Variants in RIMKLB observed in about 807,000 individuals in gnomAD.
RIMKLB encodes the protein beta-citrylglutamate synthase B.
In RIMKLB, 7 loss-of-function variants were observed where a neutral mutation model predicts 32.0. The observed-to-expected ratio is 0.22, with a 90% confidence interval of 0.12 to 0.41. RIMKLB has a LOEUF of 0.41. Ranked by LOEUF, RIMKLB falls within the 10% of genes least tolerant of loss-of-function variation. The probability of loss-of-function intolerance (pLI) is 1.00; values close to 1 mark genes in which losing one functional copy is unlikely to be tolerated. For missense variants in RIMKLB, 289 were observed against 498.7 expected (o/e 0.58, Z 4.00); for synonymous variants, 172 against 185.1 (o/e 0.93, Z 0.57).
At chr12:8,711,636 A>G (rs1008698993) in intron 1 of RIMKLB, among the ~76,000 whole-genome samples, 1 of 152,228 alleles carries the variant, frequency 6.6e-6, no homozygotes, top group South Asian at 2.1e-4. Flanking sequence ...ATCATCTAGC[A>G]TTAGGTATAT....
rs1259375977 is a variant in RIMKLB, at chr12:8,698,713, C to G, written c.-57+416C>G. Among the ~76,000 whole-genome samples the G allele has an allele frequency of 1.5e-4, 15 of 103,336 alleles. No homozygotes were observed. In the South Asian group the frequency reaches 2.9e-3, roughly 20 times the overall value. The allele number at this position is 103,336 out of a possible 152,430, so 67.8% of individuals were successfully genotyped here. ...ATTGCGGCGACACTCCCCCTCCCCCCCCTTCCCACAAATTCTATGGAGCGA... is the reference window on the plus strand; with the variant it reads ...ATTGCGGCGACACTCCCCCTCCCCCGCCTTCCCACAAATTCTATGGAGCGA... On this transcript the variant is annotated intron_variant, in intron 1 of 5. Transcript: ENST00000535829.
rs1429472121 is a variant in RIMKLB, at chr12:8,751,833, AAGTT to A, written c.407-121_407-118del. On this transcript the variant is annotated intron_variant, in intron 3 of 5. Coordinates refer to ENST00000535829, the MANE Select transcript of RIMKLB (RefSeq NM_001297776.2). ...TTACACATACTTTCTCCAAGAAAAA[AAGTT>A]AGCCATCAGGCTCTTACCTTCAACT... 2.5e-5 allele frequency: 16 copies of A among 642,096 alleles called. No individual in the cohort carries two copies. The Middle Eastern group carries it at 2.8e-3, about 112-fold the overall frequency. 39.8% of individuals were successfully genotyped at this position (642,096 alleles called of 1,614,324 possible). A position where few individuals can be genotyped will look rare whatever the true frequency, so the allele number is the denominator to read the frequency against.
chr12:8,760,081 G>A (rs1053752191), intron 5 of RIMKLB, among the ~76,000 whole-genome samples: 2 of 152,112 alleles, frequency 1.3e-5, no homozygotes, highest in African/African-American at 4.8e-5. Context: ...ATCTCCTAAT[G>A]CTATCCCTCC....
rs542679062 is a variant in RIMKLB at position 8,682,674 on chromosome 12, A to G, written n.219+856A>G. ...GTAGTCCCAGCTACTCGGGAGGCTG[A>G]GGCAGGAGAACGGCGTGAACCCGGG... On this transcript the variant is annotated intron_variant and non_coding_transcript_variant, in intron 1 of 1. Transcript: ENST00000538758. 9.0e-4 allele frequency among the ~76,000 whole-genome samples: 137 copies of G among 151,852 alleles called. 3 individuals are homozygous for G. In the South Asian group the frequency reaches 0.027, roughly 30 times the overall value.
upstream of RIMKLB, among the ~76,000 whole-genome samples, chr12:8,676,820 T>C (rs1942345853): frequency 6.6e-6 from 1 of 152,094 alleles, no homozygotes; most frequent in African/African-American, 2.4e-5. Context: ...AGGCTTTAAT[T>C]ACAGGAAACC....
At chr12:8,777,215 C>CTTTTTTTTTTTTTTTTT (rs35828763), downstream of RIMKLB, 20 of 703,904 alleles carry the variant, frequency 2.8e-5, no homozygotes, top group African/African-American at 1.5e-4. Flanking sequence ...TGCTTGCTTT[C>CTTTTTTTTTTTTTTTTT]TTTTTTTTTT....
At chr12:8,713,483 A>C (rs1944547749) in intron 1 of RIMKLB, among the ~76,000 whole-genome samples, 1 of 152,246 alleles carries the variant, frequency 6.6e-6, no homozygotes, top group Non-Finnish European at 1.5e-5. Flanking sequence ...ACAAAAAGTC[A>C]GTGATCAGAT....
chr12:8,756,709 T>TTTG (rs1949065825), intron 5 of RIMKLB, among the ~76,000 whole-genome samples: 2 of 114,390 alleles, frequency 1.7e-5, no homozygotes, highest in African/African-American at 3.4e-5. Context: ...TTTTTTTTTT[T>TTTG]CTGATGGAGT....
chr12:8,721,424 T>A (rs902686483), intron 2 of RIMKLB, among the ~76,000 whole-genome samples: 2 of 152,242 alleles, frequency 1.3e-5, no homozygotes, highest in African/African-American at 4.8e-5. Context: ...TATGTAATAT[T>A]CTAAATCTTT....
chr12:8,717,109 A>G (rs1352881618), intron 2 of RIMKLB, among the ~76,000 whole-genome samples: 1 of 136,406 alleles, frequency 7.3e-6, no homozygotes, highest in African/African-American at 2.8e-5. Context: ...TTTAACTCTC[A>G]TATCTTATAA....
At chr12:8,719,085 T>C (rs1033292164) in intron 2 of RIMKLB, among the ~76,000 whole-genome samples, 1 of 152,164 alleles carries the variant, frequency 6.6e-6, no homozygotes, top group Non-Finnish European at 1.5e-5. Flanking sequence ...CACCCATCTC[T>C]TGACAACCAC....
chr12:8,736,313 C>G (rs1443020179), intron 2 of RIMKLB, among the ~76,000 whole-genome samples: 3 of 152,050 alleles, frequency 2.0e-5, no homozygotes, highest in African/African-American at 7.2e-5. Context: ...CTTTGTCTTT[C>G]TTTTAAGAAC....
rs1950615510 is a variant in RIMKLB, at chr12:8,774,557, GCT to G, written c.*776_*777del. On this transcript the variant is annotated 3_prime_UTR_variant, in exon 6 of 6. Transcript: ENST00000535829. ...TGTTTTAGTCTTTTTTGAAAGATGT[GCT>G]CTGTTAATGTTGCTTTTTTTTTTTT... is the stretch of plus-strand genomic sequence containing the variant. The G allele has an allele frequency of 2.0e-6, 2 of 976,558 alleles. No individual in the cohort carries two copies. The highest frequency in any genetic ancestry group is 2.4e-6 in the Non-Finnish European group (2 of 825,922). 60.5% of individuals were successfully genotyped at this position (976,558 alleles called of 1,614,324 possible).
intron 2 of RIMKLB, among the ~76,000 whole-genome samples, chr12:8,748,519 CGTGTGTGTGTGTGTGT>C (rs58187682): frequency 1.1e-4 from 15 of 131,278 alleles, no homozygotes; most frequent in Non-Finnish European, 9.5e-5. Flanking sequence ...TGGGATTATT[CGTGTGTGTGTGTGTGT>C]GTGTGTGTGT....
intron 4 of RIMKLB, 62 bp from the exon 5 acceptor site, chr12:8,753,828 A>G: frequency 3.2e-6 from 4 of 1,257,118 alleles, no homozygotes; most frequent in Non-Finnish European, 4.6e-6. Context: ...AGATTCAGAT[A>G]ATAGGTATCA....
chr12:8,689,671 A>C (rs1451358057), intron 1 of RIMKLB, among the ~76,000 whole-genome samples: 1 of 151,890 alleles, frequency 6.6e-6, no homozygotes, highest in African/African-American at 2.4e-5. Flanking sequence ...TCTTTTATTG[A>C]AATCACTCCT....
intron 5 of RIMKLB, among the ~76,000 whole-genome samples, chr12:8,760,069 A>G (rs1395547540): frequency 6.6e-6 from 1 of 152,140 alleles, no homozygotes; most frequent in African/African-American, 2.4e-5. Flanking sequence ...TACATTAGGT[A>G]TATCTCCTAA....
chr12:8,779,066 C>T (rs1950894345), downstream of RIMKLB: 1 of 152,180 alleles, frequency 6.6e-6, no homozygotes, highest in Non-Finnish European at 1.5e-5. Context: ...CAGCTGCACT[C>T]ATGCAAGAAT....
chr12:8,731,350 G>A (rs1426182170), intron 2 of RIMKLB, among the ~76,000 whole-genome samples: 3 of 149,930 alleles, frequency 2.0e-5, no homozygotes, highest in Admixed American at 6.6e-5. Context: ...CACCCACATC[G>A]GCCTCCCAAA....
Sources: gnomAD v4.1 joint callset for allele counts (sites outside exome capture counted in the v4.1 genomes callset) on GRCh38, gnomAD v4.1.1 for gene constraint, MANE v1.5 for transcripts, NCBI Gene and HGNC (gene_info 2026-07-23, HGNC 2026-07-21) for gene names.